Variants in EYS observed in about 807,000 individuals in gnomAD.
EYS encodes protein eyes shut homolog.
A neutral mutation model predicts 282.1 loss-of-function variants in EYS; 250 were observed. The ratio of observed to expected loss-of-function variants is 0.89; its 90% confidence interval spans 0.80 to 0.98. The LOEUF (loss-of-function observed/expected upper bound fraction) is 0.98. Ranked by LOEUF, EYS falls within the 50% of genes least tolerant of loss-of-function variation. EYS has a pLI of 0.00. For missense variants in EYS, 4,016 were observed against 3,709.0 expected (o/e 1.08, Z -2.15); for synonymous variants, 1,355 against 1,282.9 (o/e 1.06, Z -1.20).
At chr6:64,214,780 T>G (rs1412272118) in intron 31 of EYS, among the ~76,000 whole-genome samples, 1 of 152,026 alleles carries the variant, frequency 6.6e-6, no homozygotes, top group Non-Finnish European at 1.5e-5. Context: ...ACATTTATGT[T>G]ATGGAATTTA....
intron 28 of EYS, among the ~76,000 whole-genome samples, chr6:64,413,353 GTCCAAACA>G (rs771758872): frequency 2.8e-4 from 43 of 152,034 alleles, no homozygotes; most frequent in Admixed American, 9.8e-4. Context: ...CCTTGCCAAT[GTCCAAACA>G]TCTATAAATT....
intron 26 of EYS, among the ~76,000 whole-genome samples, chr6:64,535,198 C>T (rs942973288): frequency 3.9e-5 from 6 of 151,974 alleles, no homozygotes; most frequent in South Asian, 2.1e-4. Flanking sequence ...GTTCTTTGAC[C>T]GATATTGAAC....
intron 21 of EYS, among the ~76,000 whole-genome samples, chr6:64,817,379 A>T (rs1278887277): frequency 6.6e-6 from 1 of 152,178 alleles, no homozygotes; most frequent in Non-Finnish European, 1.5e-5. Context: ...AACAAAAAAT[A>T]GAAAAATATA....
At chr6:64,510,460 T>C (rs1777350689) in intron 26 of EYS, among the ~76,000 whole-genome samples, 1 of 152,130 alleles carries the variant, frequency 6.6e-6, no homozygotes, top group Non-Finnish European at 1.5e-5. Context: ...TATTCATGAA[T>C]GCATTTAACT....
At chr6:65,370,242 C>T in intron 8 of EYS, among the ~76,000 whole-genome samples, 2 of 144,462 alleles carry the variant, frequency 1.4e-5, no homozygotes, top group Non-Finnish European at 1.5e-5. Flanking sequence ...CTTTCTATTT[C>T]TTTCTTTCTC....
At position 65,025,476 on chromosome 6, in the gene EYS, C is replaced by T. The variant is rs370045680; in HGVS notation, c.2138-27773G>A. Among the ~76,000 whole-genome samples, 5 of 152,202 alleles carry T rather than the reference C, an allele frequency of 3.3e-5. No homozygotes were observed. The South Asian group carries it at 6.2e-4, about 19-fold the overall frequency. ...GTATTAAATTTAATTTGCATTTATG[C>T]ATTTAGAGAATATATGTTATTCAAG... On this transcript the variant is annotated intron_variant, in intron 13 of 42. Transcript: ENST00000503581.
intron 14 of EYS, among the ~76,000 whole-genome samples, chr6:64,971,567 G>C (rs1770294499): frequency 6.6e-6 from 1 of 152,116 alleles, no homozygotes; most frequent in South Asian, 2.1e-4. Context: ...CTTTGTTTCT[G>C]AAATCAGGAA....
chr6:64,389,930 C>T (rs1424999421), intron 28 of EYS, among the ~76,000 whole-genome samples: 8 of 151,248 alleles, frequency 5.3e-5, no homozygotes, highest in Admixed American at 6.6e-5. Flanking sequence ...CGTGCGCCAG[C>T]CGAAGCAGGG....
chr6:65,464,925 T>C (rs1464306536), intron 5 of EYS, among the ~76,000 whole-genome samples: 1 of 152,140 alleles, frequency 6.6e-6, no homozygotes, highest in African/African-American at 2.4e-5. Context: ...ATGACCTAAT[T>C]ACTAAAAATT....
chr6:64,802,824 T>C (rs1394399029), intron 22 of EYS, among the ~76,000 whole-genome samples: 2 of 152,230 alleles, frequency 1.3e-5, no homozygotes, highest in African/African-American at 2.4e-5. Flanking sequence ...TCATCTATCA[T>C]TTATCATCTA....
intron 28 of EYS, among the ~76,000 whole-genome samples, chr6:64,418,130 C>T (rs190957014): frequency 6.6e-6 from 1 of 152,172 alleles, no homozygotes; most frequent in Non-Finnish European, 1.5e-5. Context: ...TAGTTCCCTA[C>T]CCAACTCTTC....
intron 34 of EYS, 120 bp downstream of exon 34, chr6:63,998,955 A>G (rs1767958058): frequency 3.1e-6 from 2 of 635,414 alleles, no homozygotes; most frequent in Admixed American, 5.6e-5. Flanking sequence ...CTTTGTTGAG[A>G]GTTTTTACAA....
At position 65,260,666 on chromosome 6, in the gene EYS, G is replaced by A. The variant is rs564189411; in HGVS notation, c.2023+35197C>T. 2.3e-3 allele frequency among the ~76,000 whole-genome samples: 344 copies of A among 151,882 alleles called. 3 individuals carry two copies. Among genetic ancestry groups the A allele is most frequent in the African/African-American group, 7.8e-3 (322 of 41,464 alleles). ...TAAATTTATAAACTGTGAAATACAC[G>A]TTTAAGATTGAAATACACATTTAAG... On this transcript the variant is annotated intron_variant, in intron 12 of 42. Coordinates refer to ENST00000503581, the MANE Select transcript of EYS (RefSeq NM_001142800.2).
intron 22 of EYS, among the ~76,000 whole-genome samples, chr6:64,724,068 G>GTT (rs5876916): frequency 1.6e-4 from 24 of 150,844 alleles, no homozygotes; most frequent in African/African-American, 5.9e-4. Context: ...AATCATTGTT[G>GTT]TTTTTTTTTT....
intron 22 of EYS, among the ~76,000 whole-genome samples, chr6:64,747,849 A>G (rs1339610901): frequency 6.6e-6 from 1 of 152,164 alleles, no homozygotes; most frequent in Non-Finnish European, 1.5e-5. Flanking sequence ...ATCTTTTACA[A>G]AGTCTCTCAA....
At chr6:65,294,809 C>T (rs1562078032) in intron 12 of EYS, among the ~76,000 whole-genome samples, 1 of 151,740 alleles carries the variant, frequency 6.6e-6, no homozygotes, top group Non-Finnish European at 1.5e-5. Flanking sequence ...AAGACAGACA[C>T]CTATATTTTA....
intron 35 of EYS, among the ~76,000 whole-genome samples, chr6:63,940,694 T>A (rs1324155034): frequency 6.6e-6 from 1 of 152,056 alleles, no homozygotes; most frequent in African/African-American, 2.4e-5. Flanking sequence ...CTTTTTTTTT[T>A]TAATCATACT....
At chr6:64,468,877 T>C (rs1776019835) in intron 26 of EYS, among the ~76,000 whole-genome samples, 1 of 152,206 alleles carries the variant, frequency 6.6e-6, no homozygotes, top group Non-Finnish European at 1.5e-5. Context: ...TGTATACATA[T>C]CATGCTTTCT....
chr6:65,540,508 T>C (rs1768124716), intron 2 of EYS, among the ~76,000 whole-genome samples: 1 of 152,262 alleles, frequency 6.6e-6, no homozygotes, highest in Non-Finnish European at 1.5e-5. Flanking sequence ...GAATTAATTA[T>C]TTTAGCTGAT....
Sources: allele counts gnomAD v4.1 joint callset (sites outside exome capture counted in the v4.1 genomes callset), GRCh38; gene constraint gnomAD v4.1.1; transcripts MANE v1.5; gene names NCBI Gene and HGNC (gene_info 2026-07-23, HGNC 2026-07-21).